Variants in CYP2W1 observed in about 807,000 individuals in gnomAD.
CYP2W1 encodes cytochrome P450 2W1.
In CYP2W1, 51 loss-of-function variants were observed where a neutral mutation model predicts 44.9. The observed-to-expected ratio is 1.14, with a 90% confidence interval of 0.91 to 1.43. The LOEUF (loss-of-function observed/expected upper bound fraction) is 1.43, where lower values mean the gene tolerates loss of function less well. CYP2W1 is among the 40% of genes most tolerant of loss of function. The pLI, the probability that CYP2W1 is intolerant of heterozygous loss-of-function variation, is 0.00. For missense variants in CYP2W1, 746 were observed against 700.0 expected (o/e 1.07, Z -0.74); for synonymous variants, 383 against 338.3 (o/e 1.13, Z -1.45).
In CYP2W1 at chr7:983,250, G is replaced by A; in HGVS notation, c.39G>A (p.Gly13=). The part of the protein sequence containing the change: ...LLLLLFLGLL[G]LWGLLCACAQ... ...TCTTGCTGTTCCTGGGCCTCCTGGGGCTCTGGGGGCTGCTCTGCGCCTGCG... is the reference window on the plus strand; with the variant it reads ...TCTTGCTGTTCCTGGGCCTCCTGGGACTCTGGGGGCTGCTCTGCGCCTGCG... Residue 13 remains glycine (G), a synonymous_variant, in exon 1 of 9, where the codon GGG becomes GGA. Coordinates refer to ENST00000308919, the MANE Select transcript of CYP2W1 (RefSeq NM_017781.3). 1 of 1,534,232 alleles carries A rather than the reference G, an allele frequency of 6.5e-7. No individual in the cohort carries two copies.
chr7:983,937 G>A (rs1167490685), intron 1 of CYP2W1, among the ~76,000 whole-genome samples: 1 of 152,210 alleles, frequency 6.6e-6, no homozygotes, highest in Non-Finnish European at 1.5e-5. Flanking sequence ...GGGTCAGTGG[G>A]ACAGGGCTGA....
chr7:983,743 G>GC (rs1457395176), intron 1 of CYP2W1, among the ~76,000 whole-genome samples: 1 of 152,212 alleles, frequency 6.6e-6, no homozygotes, highest in Non-Finnish European at 1.5e-5. Context: ...TGCCTGCTCA[G>GC]CCCCCCTCGG....
intron 5 of CYP2W1, 58 bp downstream of exon 5, chr7:986,855 G>C: frequency 6.9e-7 from 1 of 1,444,226 alleles, no homozygotes; most frequent in Non-Finnish European, 9.1e-7. Context: ...GGACACCCCA[G>C]GGGAGCACGG....
At chr7:987,270 C>T (rs997064387) in intron 6 of CYP2W1, 25 bp downstream of exon 6, 31 of 1,504,186 alleles carry the variant, frequency 2.1e-5, no homozygotes, top group African/African-American at 1.7e-4. Context: ...CCTGGCGAGA[C>T]GGCTCCTTCT....
Position 983,264 on chromosome 7 carries a change from T to TCTGCGC in CYP2W1, c.61_66dup (p.Cys21_Ala22dup). ...GGCCTCCTGGGGCTCTGGGGGCTGCTCTGCGCCTGCGCCCAAGACCCCTCC... is the reference window on the plus strand; with the variant it reads ...GGCCTCCTGGGGCTCTGGGGGCTGCTCTGCGCCTGCGCCTGCGCCCAAGACCCCTCC... On this transcript the variant is annotated inframe_insertion, in exon 1 of 9. Coordinates refer to ENST00000308919, the MANE Select transcript of CYP2W1 (RefSeq NM_017781.3). 6.5e-7 allele frequency: 1 copy of TCTGCGC among 1,542,300 alleles called. No homozygotes were observed. Among genetic ancestry groups the TCTGCGC allele is most frequent in the Non-Finnish European group, 8.7e-7 (1 of 1,143,596 alleles).
At chr7:988,586 C>G in intron 8 of CYP2W1, 49 bp from the exon 9 acceptor site, 1 of 1,599,416 alleles carries the variant, frequency 6.3e-7, no homozygotes. Context: ...CCCTCCCCTC[C>G]AGGAGCAGGC....
At chr7:988,157 G>A in intron 7 of CYP2W1, 120 bp from the exon 8 acceptor site, 1 of 1,218,278 alleles carries the variant, frequency 8.2e-7, no homozygotes, top group Non-Finnish European at 1.1e-6. Context: ...CCTGCAAGGT[G>A]GGCTAACACC....
At chr7:987,076 A>G (rs1848409412) in intron 5 of CYP2W1, 31 bp from the exon 6 acceptor site, 1 of 1,479,606 alleles carries the variant, frequency 6.8e-7, no homozygotes, top group South Asian at 1.4e-5. Context: ...ACCCCAGATC[A>G]TCCCACGAGC....
Position 988,738 on chromosome 7 carries a change from T to C in CYP2W1, c.1389T>C (p.Ser463=). ...GCCTGCTGCCCCCGCCTGGCGTCAG[T>C]CCGGCCTCCCTGGACACCACGCCCG... The part of the protein sequence containing the change: ...RYRLLPPPGV[S]PASLDTTPAR... Residue 463 remains serine, a synonymous_variant, in exon 9 of 9, where the codon AGT becomes AGC. Coordinates refer to ENST00000308919, the MANE Select transcript of CYP2W1 (RefSeq NM_017781.3). The C allele has an allele frequency of 1.3e-6, 2 of 1,599,472 alleles. No individual in the cohort carries two copies. The highest frequency in any genetic ancestry group is 1.7e-6 in the Non-Finnish European group (2 of 1,179,570).
At chr7:984,381 C>T (rs976477685) in intron 1 of CYP2W1, 31 bp from the exon 2 acceptor site, 1 of 1,541,180 alleles carries the variant, frequency 6.5e-7, no homozygotes. Flanking sequence ...TGGGTGAGGG[C>T]TGCCCGGGTG....
chr7:989,122 TAGCTCCCCCC>T lies in CYP2W1; in HGVS notation c.*303_*312del. The T allele has an allele frequency of 2.7e-6, 1 of 365,648 alleles. No individual in the cohort carries two copies. The highest frequency in any genetic ancestry group is 4.9e-6 in the Non-Finnish European group (1 of 204,950). The allele number at this position is 365,648 out of a possible 1,614,324, so 22.7% of individuals were successfully genotyped here. On this transcript the variant is annotated 3_prime_UTR_variant, in exon 9 of 9. Transcript: ENST00000308919. The stretch of plus-strand genomic sequence containing the variant: ...CCCTGAAGCTGCACTCCCACCCACC[TAGCTCCCCCC>T]AGGGCCCCCCAGCACCTACAGCTGG...
chr7:987,314 G>C (rs987766289), intron 6 of CYP2W1, 33 bp from the exon 7 acceptor site: 1 of 1,539,694 alleles, frequency 6.5e-7, no homozygotes, highest in Admixed American at 1.8e-5. Flanking sequence ...GAGGGATGGC[G>C]CTGCCACCCA....
chr7:984,307 T>C, intron 1 of CYP2W1, 105 bp from the exon 2 acceptor site: 3 of 1,427,658 alleles, frequency 2.1e-6, no homozygotes, highest in Non-Finnish European at 2.8e-6. Flanking sequence ...CTGCCCCCAT[T>C]TTCCCTCTGT....
rs987766289 is a variant in CYP2W1, at chr7:987,314, G to A, written c.959-33G>A. The A allele has an allele frequency of 1.9e-5, 30 of 1,539,572 alleles. No homozygotes were observed. The African/African-American group carries it at 2.0e-4, about 10-fold the overall frequency. ...GGGACCCCCAGGGACGAGGGATGGC[G>A]CTGCCACCCAAGCGGCCCACCCTTT... On this transcript the variant is annotated intron_variant, in intron 6 of 8. Transcript: ENST00000308919.
At position 988,564 on chromosome 7, in the gene CYP2W1, G is replaced by C. The variant is rs765665925; in HGVS notation, c.1286-71G>C. 3.8e-6 allele frequency: 6 copies of C among 1,598,856 alleles called. No individual in the cohort carries two copies. The African/African-American group carries it at 5.4e-5, about 14-fold the overall frequency. ...GGTGGCTGCTCCTGTGCTCCCCTGG[G>C]GAGGTCCCCACCCCTCCCCTCCAGG... On this transcript the variant is annotated intron_variant, in intron 8 of 8. Transcript: ENST00000308919.
chr7:987,747 C>T (rs535318972), intron 7 of CYP2W1, among the ~76,000 whole-genome samples: 2 of 152,306 alleles, frequency 1.3e-5, no homozygotes, highest in Admixed American at 1.3e-4. Flanking sequence ...TGGCGCCTCC[C>T]TGCATGTCCT....
chr7:987,351 G>T lies in CYP2W1; in HGVS notation c.963G>T (p.Arg321=). The T allele has an allele frequency of 6.3e-7, 1 of 1,577,144 alleles. No individual in the cohort carries two copies. Residue 321 remains arginine (R), a synonymous_variant, in exon 7 of 9, where the codon CGG becomes CGT. Transcript: ENST00000308919. Reference sequence around the variant, plus strand: ...GCGGCCCACCCTTTGCCCCAGGCCGGGTGCAGGAGGAGCTAGACCGCGTGC... The same window carrying T: ...GCGGCCCACCCTTTGCCCCAGGCCGTGTGCAGGAGGAGCTAGACCGCGTGC... ...LMGRHPDVQG[R]VQEELDRVLG...
Position 986,330 on chromosome 7 carries a change from G to A in CYP2W1, c.646-294G>A, listed in dbSNP as rs577700775. The stretch of plus-strand genomic sequence containing the variant: ...GTCTTCCATTCCATGACTCACAGGA[G>A]GTTCAAGGTTACTTCCACTGTGGCA... On this transcript the variant is annotated intron_variant, in intron 4 of 8. Coordinates refer to ENST00000308919, the MANE Select transcript of CYP2W1 (RefSeq NM_017781.3). 5 of 464,876 alleles carry A rather than the reference G, an allele frequency of 1.1e-5. No individual in the cohort carries two copies. The Admixed American group carries it at 1.5e-4, about 14-fold the overall frequency. 28.8% of individuals were successfully genotyped at this position (464,876 alleles called of 1,614,324 possible).
In CYP2W1 at chr7:985,013, A is replaced by G. The variant is rs1436961885; in HGVS notation, c.401A>G (p.His134Arg). ...AARQFTVRAL[H>R]SLGVGREPVA... is the part of the protein sequence containing the mutation. The stretch of plus-strand genomic sequence containing the variant: ...CGCCAGTTCACGGTGCGTGCCCTGC[A>G]CAGCCTGGGCGTGGGCCGGGAGCCG... The change falls in exon 3 of 9, where the codon CAC becomes CGC. Residue 134 changes from histidine to arginine, a missense_variant. Coordinates refer to ENST00000308919, the MANE Select transcript of CYP2W1 (RefSeq NM_017781.3). 1 of 1,611,816 alleles carries G rather than the reference A, an allele frequency of 6.2e-7. No homozygotes were observed. The highest frequency in any genetic ancestry group is 1.7e-5 in the Admixed American group (1 of 60,000).
Sources: gnomAD v4.1 joint callset for allele counts (sites outside exome capture counted in the v4.1 genomes callset) on GRCh38, gnomAD v4.1.1 for gene constraint, MANE v1.5 for transcripts, NCBI Gene and HGNC (gene_info 2026-07-23, HGNC 2026-07-21) for gene names.